ACVR1: variants seen among roughly 807,000 people sequenced by gnomAD.
The protein encoded by ACVR1 is activin A receptor type 1.
A neutral mutation model predicts 57.1 loss-of-function variants in ACVR1; 38 were observed. The observed-to-expected ratio is 0.67, with a 90% CI of 0.51 to 0.87. The LOEUF is 0.87. Ranked by LOEUF, ACVR1 falls within the 40% of genes least tolerant of loss-of-function variation. The pLI is 0.00. For missense variants in ACVR1, 463 were observed against 638.2 expected (o/e 0.73, Z 2.96); for synonymous variants, 212 against 228.1 (o/e 0.93, Z 0.63).
chr2:157,868,834 G>A (rs927351413), intron 1 of ACVR1, among the ~76,000 whole-genome samples: 2 of 152,176 alleles, frequency 1.3e-5, no homozygotes, highest in South Asian at 2.1e-4. Context: ...TTACCTAGAG[G>A]AAGACTTGAT....
intron 1 of ACVR1, among the ~76,000 whole-genome samples, chr2:157,874,157 AT>A (rs1262723825): frequency 6.6e-6 from 1 of 152,210 alleles, no homozygotes; most frequent in Non-Finnish European, 1.5e-5. Context: ...TTATCTATCC[AT>A]CATTCACCAC....
intron 2 of ACVR1, among the ~76,000 whole-genome samples, chr2:157,804,264 C>T (rs948937193): frequency 6.6e-6 from 1 of 152,114 alleles, no homozygotes; most frequent in East Asian, 1.9e-4. Flanking sequence ...GAGCACTTAG[C>T]GGATACCTGA....
intron 7 of ACVR1, among the ~76,000 whole-genome samples, chr2:157,766,914 G>A (rs541803017): frequency 1.1e-4 from 16 of 152,356 alleles, no homozygotes; most frequent in African/African-American, 3.4e-4. Flanking sequence ...GGAAATTATA[G>A]TAATTCAGAC....
chr2:157,786,236 T>C (rs1222646951), intron 3 of ACVR1, among the ~76,000 whole-genome samples: 3 of 152,228 alleles, frequency 2.0e-5, no homozygotes, highest in Non-Finnish European at 2.9e-5. Flanking sequence ...CTGTTGAATG[T>C]CACCTTTCCT....
chr2:157,764,414 G>A (rs1432011379), intron 8 of ACVR1, among the ~76,000 whole-genome samples: 2 of 141,158 alleles, frequency 1.4e-5, no homozygotes, highest in Non-Finnish European at 3.0e-5. Context: ...CATCACGTTC[G>A]CCAGGCTCAT....
At chr2:157,742,080 GAGA>G (rs1684796960) in intron 9 of ACVR1, among the ~76,000 whole-genome samples, 1 of 152,138 alleles carries the variant, frequency 6.6e-6, no homozygotes, top group African/African-American at 2.4e-5. Flanking sequence ...AGAGCCGGGG[GAGA>G]AGAAGGGGAC....
chr2:157,780,797 T>C (rs891943479), intron 3 of ACVR1, among the ~76,000 whole-genome samples, 197 bp from the exon 4 acceptor site: 1 of 152,110 alleles, frequency 6.6e-6, no homozygotes, highest in Non-Finnish European at 1.5e-5. Flanking sequence ...CCTCTCAACA[T>C]AGCGATTCAT....
intron 9 of ACVR1, among the ~76,000 whole-genome samples, chr2:157,755,523 AATACCATACCATACCATACCATACC>A (rs71402402): frequency 6.7e-6 from 1 of 149,896 alleles, no homozygotes; most frequent in Admixed American, 6.6e-5. Context: ...AGCTGCAAAT[AATACCATACCATACCATACCATACC>A]ATACCATACC....
intron 6 of ACVR1, among the ~76,000 whole-genome samples, chr2:157,773,475 T>A (rs1686148195): frequency 6.6e-6 from 1 of 152,218 alleles, no homozygotes; most frequent in Admixed American, 6.5e-5. Flanking sequence ...ATATTTGTGA[T>A]GTGTACAAAC....
chr2:157,765,149 C>T (rs1032581096), intron 8 of ACVR1, among the ~76,000 whole-genome samples: 2 of 152,022 alleles, frequency 1.3e-5, no homozygotes, highest in Admixed American at 6.6e-5. Context: ...TATAAAATGC[C>T]ACTATAAATG....
rs547501172 is a variant in ACVR1 at position 157,839,278 on chromosome 2, A to G, written c.-182-20719T>C. On this transcript the variant is annotated intron_variant, in intron 1 of 10. Coordinates refer to ENST00000434821, the MANE Select transcript of ACVR1 (RefSeq NM_001111067.4). ...TCGGGTCTCGCCTTTCTATTGTCCC[A>G]CCCTGCAGGGCCAGCTGTTTCTGAC... 9.9e-5 allele frequency among the ~76,000 whole-genome samples: 15 copies of G among 152,022 alleles called. 2 individuals are homozygous for G. Among genetic ancestry groups the G allele is most frequent in the Admixed American group, 7.9e-4 (12 of 15,266 alleles).
At chr2:157,834,520 G>A (rs960851761) in intron 1 of ACVR1, among the ~76,000 whole-genome samples, 1 of 152,156 alleles carries the variant, frequency 6.6e-6, no homozygotes, top group African/African-American at 2.4e-5. Context: ...GGTCCCAACT[G>A]TGGGGTTTAT....
rs552239569 is a variant in ACVR1 at position 157,736,874 on chromosome 2, A to T, written c.*657T>A. 3.1e-6 allele frequency: 1 copy of T among 325,156 alleles called. No homozygotes were observed. The highest frequency in any genetic ancestry group is 5.7e-6 in the Non-Finnish European group (1 of 176,688). The allele number at this position is 325,156 out of a possible 1,614,324, so 20.1% of individuals were successfully genotyped here. On this transcript the variant is annotated 3_prime_UTR_variant, in exon 11 of 11. Transcript: ENST00000434821. ...CAGTTTTGTAAAAACTACTAAGTGC[A>T]CAAGTAATAAATAATTTGCAAAGTT... is the stretch of plus-strand genomic sequence containing the variant.
At chr2:157,854,005 C>T (rs1173588485) in intron 1 of ACVR1, among the ~76,000 whole-genome samples, 2 of 152,108 alleles carry the variant, frequency 1.3e-5, no homozygotes, top group Admixed American at 6.5e-5. Flanking sequence ...TGTGCACACC[C>T]GCATTTGCCA....
intron 3 of ACVR1, among the ~76,000 whole-genome samples, chr2:157,799,064 T>C (rs1687226887): frequency 6.6e-6 from 1 of 151,782 alleles, no homozygotes; most frequent in South Asian, 2.1e-4. Flanking sequence ...GCCTGGCTAA[T>C]TTTTGCATTT....
At chr2:157,822,835 C>A (rs374591258) in intron 1 of ACVR1, among the ~76,000 whole-genome samples, 1 of 152,210 alleles carries the variant, frequency 6.6e-6, no homozygotes, top group Non-Finnish European at 1.5e-5. Context: ...ATATTTACTA[C>A]CTGGCCCTTT....
At chr2:157,862,258 A>G (rs1214914163) in intron 1 of ACVR1, among the ~76,000 whole-genome samples, 1 of 152,182 alleles carries the variant, frequency 6.6e-6, no homozygotes, top group Non-Finnish European at 1.5e-5. Flanking sequence ...GTACTACAGA[A>G]CTGTACATAA....
Position 157,761,166 on chromosome 2 carries a change from T to C in ACVR1, c.1067-89A>G, listed in dbSNP as rs1359630966. 4 of 1,272,514 alleles carry C rather than the reference T, an allele frequency of 3.1e-6. No individual in the cohort carries two copies. The Admixed American group carries it at 5.8e-5, about 19-fold the overall frequency. The allele number at this position is 1,272,514 out of a possible 1,614,324, so 78.8% of individuals were successfully genotyped here. On this transcript the variant is annotated intron_variant, in intron 8 of 10. Transcript: ENST00000434821. ...ATTTTAAACCAACCCCAATCAAAAG[T>C]GCCCTCTTGTGGATCCAGGGTCACT... is the stretch of plus-strand genomic sequence containing the variant.
rs556006790 is a variant in ACVR1 at position 157,802,074 on chromosome 2, A to C, written c.-7-2574T>G. Reference sequence around the variant, plus strand: ...GTTGGGAAGAAACATAGTTAAAATAACTGTGTTAACAAAACAACTTGAGAC... The same window carrying C: ...GTTGGGAAGAAACATAGTTAAAATACCTGTGTTAACAAAACAACTTGAGAC... On this transcript the variant is annotated intron_variant, in intron 2 of 10. Transcript: ENST00000434821. 1.0e-3 allele frequency among the ~76,000 whole-genome samples: 159 copies of C among 152,332 alleles called. 1 individual carries two copies. Among genetic ancestry groups the C allele is most frequent in the South Asian group, 2.3e-3 (11 of 4,828 alleles).
Sources: gnomAD v4.1 joint callset for allele counts (sites outside exome capture counted in the v4.1 genomes callset) on GRCh38, gnomAD v4.1.1 for gene constraint, MANE v1.5 for transcripts, NCBI Gene and HGNC (gene_info 2026-07-23, HGNC 2026-07-21) for gene names.